Variants in SLC20A2 observed in about 807,000 individuals in gnomAD.
SLC20A2 encodes solute carrier family 20 member 2, also known as sodium-dependent phosphate transporter 2.
A neutral mutation model predicts 61.0 loss-of-function variants in SLC20A2; 30 were observed. The observed-to-expected ratio is 0.49, with a 90% CI of 0.37 to 0.67. The LOEUF is 0.67. Ranked by LOEUF, SLC20A2 falls within the 30% of genes least tolerant of loss-of-function variation. SLC20A2 has a pLI of 0.00. For missense variants in SLC20A2, 626 were observed against 866.4 expected (o/e 0.72, Z 3.48); for synonymous variants, 351 against 353.3 (o/e 0.99, Z 0.07).
In SLC20A2 at chr8:42,437,601, C is replaced by A; in HGVS notation, c.935-24G>T. 26 of 1,438,126 alleles carry A rather than the reference C, an allele frequency of 1.8e-5. No homozygotes were observed. Among genetic ancestry groups the A allele is most frequent in the Non-Finnish European group, 2.4e-5 (25 of 1,057,544 alleles). The allele number at this position is 1,438,126 out of a possible 1,614,324, so 89.1% of individuals were successfully genotyped here. ...TCCTGAAAAGGGTTAGAGAAGGTCT[C>A]ATTTTCCAGTCTTTTTTTTTTTTTT... On this transcript the variant is annotated intron_variant, in intron 7 of 10. Transcript: ENST00000520262. This position sits in a 1 kb window ranked among gnomAD's most constrained non-coding sequence, Gnocchi z 6.4.
intron 1 of SLC20A2, among the ~76,000 whole-genome samples, chr8:42,532,070 A>G (rs1812367242): frequency 6.6e-6 from 1 of 150,850 alleles, no homozygotes; most frequent in South Asian, 2.1e-4. Flanking sequence ...CTTGTGATCC[A>G]CCCAACTCAG....
At chr8:42,435,616 G>A (rs1804188803) in intron 8 of SLC20A2, among the ~76,000 whole-genome samples, 1 of 152,136 alleles carries the variant, frequency 6.6e-6, no homozygotes, top group Non-Finnish European at 1.5e-5. Flanking sequence ...ACCAGGCCTG[G>A]GCGTGGGGTG....
chr8:42,423,985 T>C (rs1352169294), intron 10 of SLC20A2, among the ~76,000 whole-genome samples: 1 of 152,244 alleles, frequency 6.6e-6, no homozygotes, highest in Non-Finnish European at 1.5e-5. Flanking sequence ...TAGTGTTCCC[T>C]GTATGCTGTT....
intron 1 of SLC20A2, among the ~76,000 whole-genome samples, chr8:42,491,843 C>T (rs903881051): frequency 6.6e-6 from 1 of 152,206 alleles, no homozygotes; most frequent in Non-Finnish European, 1.5e-5. Flanking sequence ...TTAACACCTA[C>T]TATTCCATCT....
chr8:42,531,985 ATTT>A (rs11323818), intron 1 of SLC20A2, among the ~76,000 whole-genome samples: 2 of 143,440 alleles, frequency 1.4e-5, no homozygotes, highest in Admixed American at 6.9e-5. Context: ...CGCCTGGCTA[ATTT>A]TTTTTTTTTT....
chr8:42,438,205 T>C (rs1261805910), intron 7 of SLC20A2, among the ~76,000 whole-genome samples: 2 of 152,168 alleles, frequency 1.3e-5, no homozygotes, highest in Admixed American at 6.6e-5. Flanking sequence ...ATTTTTTCTG[T>C]TTCTAGAAAC....
intron 1 of SLC20A2, among the ~76,000 whole-genome samples, chr8:42,491,719 G>A (rs1337999381): frequency 6.6e-6 from 1 of 151,242 alleles, no homozygotes; most frequent in Non-Finnish European, 1.5e-5. Context: ...CAGTTTTCCT[G>A]CCTTGTCCAA....
chr8:42,455,779 G>C (rs1273817667), intron 5 of SLC20A2, among the ~76,000 whole-genome samples: 1 of 152,100 alleles, frequency 6.6e-6, no homozygotes, highest in East Asian at 1.9e-4. Flanking sequence ...TAAGACCCCA[G>C]GGCTCAGGAC....
chr8:42,485,718 C>A (rs745638685), intron 1 of SLC20A2, among the ~76,000 whole-genome samples: 2 of 147,754 alleles, frequency 1.4e-5, no homozygotes, highest in African/African-American at 5.0e-5. Flanking sequence ...GAGGCTGAGG[C>A]GGGCGGATCA....
intron 1 of SLC20A2, among the ~76,000 whole-genome samples, chr8:42,499,267 C>T (rs1175538885): frequency 6.6e-6 from 1 of 152,092 alleles, no homozygotes; most frequent in Non-Finnish European, 1.5e-5. Flanking sequence ...GATTTGTCGC[C>T]CAAGGTCATA....
chr8:42,482,629 G>A (rs549058183), intron 1 of SLC20A2, among the ~76,000 whole-genome samples: 1 of 152,194 alleles, frequency 6.6e-6, no homozygotes, highest in East Asian at 1.9e-4. Flanking sequence ...GCTGAGGTAG[G>A]AAGATCACCT....
chr8:42,519,929 T>G (rs1226315193), intron 1 of SLC20A2, among the ~76,000 whole-genome samples: 2 of 151,956 alleles, frequency 1.3e-5, no homozygotes, highest in Non-Finnish European at 2.9e-5. Context: ...GTGCCAGTGG[T>G]GCTCTACCAA....
chr8:42,485,597 G>A (rs1304012029), intron 1 of SLC20A2, among the ~76,000 whole-genome samples: 3 of 133,148 alleles, frequency 2.3e-5, no homozygotes, highest in Admixed American at 1.7e-4. Flanking sequence ...AGCCGAGACC[G>A]TGTTATTGCA....
At chr8:42,535,730 C>T (rs2974337) in intron 1 of SLC20A2, among the ~76,000 whole-genome samples, 58,765 of 152,074 alleles carry the variant, frequency 0.39, 13,194 homozygotes, top group Non-Finnish European at 0.49. Context: ...AGGGCTGGTT[C>T]TTCTTACTGG....
chr8:42,482,560 G>A (rs1286442407), intron 1 of SLC20A2, among the ~76,000 whole-genome samples: 2 of 152,118 alleles, frequency 1.3e-5, no homozygotes, highest in Non-Finnish European at 2.9e-5. Context: ...ATCAGCCTAG[G>A]CATCATGGCG....
intron 6 of SLC20A2, among the ~76,000 whole-genome samples, chr8:42,440,990 G>A (rs1303934820): frequency 2.0e-5 from 3 of 151,948 alleles, no homozygotes; most frequent in African/African-American, 7.3e-5. Flanking sequence ...TAGCTGAGAC[G>A]GGGTTTCACC....
At chr8:42,462,106 T>C (rs1198856316) in intron 4 of SLC20A2, among the ~76,000 whole-genome samples, 1 of 151,922 alleles carries the variant, frequency 6.6e-6, no homozygotes, top group Non-Finnish European at 1.5e-5. Context: ...AGCAGCTTCC[T>C]AGGAAGTGAC....
intron 1 of SLC20A2, among the ~76,000 whole-genome samples, chr8:42,498,524 G>A (rs1810095531): frequency 6.6e-6 from 1 of 152,138 alleles, no homozygotes; most frequent in Non-Finnish European, 1.5e-5. Flanking sequence ...TAGCATGTGG[G>A]TTGGAACTAT....
At position 42,432,876 on chromosome 8, in the gene SLC20A2, A is replaced by G. The variant is rs1380773740; in HGVS notation, c.1524-2627T>C. Among the ~76,000 whole-genome samples the G allele has an allele frequency of 2.6e-5, 4 of 152,242 alleles. No individual in the cohort carries two copies. In the East Asian group the frequency reaches 5.8e-4, roughly 22 times the overall value. On this transcript the variant is annotated intron_variant, in intron 8 of 10. Transcript: ENST00000520262. ...TAGACTATGGTATACTATTACAGAA[A>G]CATAACTTTTCTATGTACTGGGACA... is the stretch of plus-strand genomic sequence containing the variant.
Sources: allele counts gnomAD v4.1 joint callset (sites outside exome capture counted in the v4.1 genomes callset), GRCh38; gene constraint gnomAD v4.1.1; non-coding constraint Gnocchi (gnomAD v3.1); transcripts MANE v1.5; gene names NCBI Gene and HGNC (gene_info 2026-07-23, HGNC 2026-07-21).